Variants in RRBP1 observed in about 807,000 individuals in gnomAD.
RRBP1 encodes ribosome-binding protein 1.
In RRBP1, 94 loss-of-function variants were observed where a neutral mutation model predicts 165.2. That is an observed-to-expected ratio of 0.57 (90% CI 0.48 to 0.68). The LOEUF (loss-of-function observed/expected upper bound fraction) is 0.68. Ranked by LOEUF, RRBP1 falls within the 30% of genes least tolerant of loss-of-function variation. RRBP1 has a pLI of 0.00. For synonymous variants in RRBP1, 680 were observed against 714.5 expected, an observed-to-expected ratio of 0.95 and a Z score of 0.77; for missense variants, 1,676 against 1,763.0, an observed-to-expected ratio of 0.95 and a Z score of 0.88.
intron 2 of RRBP1, among the ~76,000 whole-genome samples, chr20:17,666,719 T>C (rs2036878217): frequency 6.6e-6 from 1 of 152,268 alleles, no homozygotes; most frequent in African/African-American, 2.4e-5. Context: ...TAAGCTGCCT[T>C]GTAGCATTCG....
At position 17,636,833 on chromosome 20, in the gene RRBP1, G is replaced by C. The variant is rs368272122; in HGVS notation, c.2185-104C>G. On this transcript the variant is annotated intron_variant, in intron 5 of 24. Coordinates refer to ENST00000377813, the MANE Select transcript of RRBP1 (RefSeq NM_001365613.2). ...CCGAGCTGGGAGGCTGGAGAGCAGAGCACAGACCCCTCCTGCTGGCCGGGT... is the reference window on the plus strand; with the variant it reads ...CCGAGCTGGGAGGCTGGAGAGCAGACCACAGACCCCTCCTGCTGGCCGGGT... 8 of 1,399,122 alleles carry C rather than the reference G, an allele frequency of 5.7e-6. No individual in the cohort carries two copies. The African/African-American group carries it at 8.5e-5, about 15-fold the overall frequency. The allele number at this position is 1,399,122 out of a possible 1,614,324, so 86.7% of individuals were successfully genotyped here.
At chr20:17,617,963 GA>G (rs1212434582) in intron 20 of RRBP1, among the ~76,000 whole-genome samples, 2 of 152,256 alleles carry the variant, frequency 1.3e-5, no homozygotes, top group African/African-American at 4.8e-5. Context: ...GCCTGCCAAG[GA>G]GCTGGGACTT....
Position 17,658,750 on chromosome 20 carries a change from T to A in RRBP1, c.1758A>T (p.Gln586His). The A allele has an allele frequency of 1.9e-6, 3 of 1,612,802 alleles. No individual in the cohort carries two copies. The South Asian group carries it at 3.3e-5, about 18-fold the overall frequency. The change falls in exon 3 of 25, where the codon CAA becomes CAT. Residue 586 changes from glutamine to histidine, a missense_variant. Gln to His is a conservative substitution (Grantham distance 24). This residue lies in a region of RRBP1 where 1,184 missense variants were observed against 1,167.1 expected (regional missense o/e 1.01). Transcript: ENST00000377813. ...TGGCAGCTGCGTCTGCCTTTTTGCC[T>A]TGGTTGGGGGACCCTTCTGCCTTTT... The part of the protein sequence containing the change: ...EGKKAEGSPN[Q>H]GKKADAAANQ...
At chr20:17,634,118 T>A (rs2122324035) in intron 7 of RRBP1, among the ~76,000 whole-genome samples, 1 of 152,292 alleles carries the variant, frequency 6.6e-6, no homozygotes, top group Non-Finnish European at 1.5e-5. Context: ...TCTCAGGAGC[T>A]GGGAGGAATG....
rs2036728650 is a variant in RRBP1, at chr20:17,659,958, G to C, written c.550C>G (p.Pro184Ala). The C allele has an allele frequency of 1.9e-6, 3 of 1,601,356 alleles. No individual in the cohort carries two copies. The highest frequency in any genetic ancestry group is 2.6e-6 in the Non-Finnish European group (3 of 1,173,448). The change falls in exon 3 of 25, where the codon CCA (proline) becomes GCA (alanine). Residue 184 changes from proline (P) to alanine (A), a missense_variant. By Grantham distance (27) the Pro-to-Ala change is conservative. Around this residue, in one of 5 missense-constraint regions of RRBP1, gnomAD observed 392 missense variants for 382.5 expected, o/e 1.02. Transcript: ENST00000377813. ...PKEVPMVVVP[P>A]VGAKGNTPAT... ...GGTGTGTTGCCCTTGGCACCCACTGGGGGCACCACCACCATCGGCACCTCC... is the reference window on the plus strand; with the variant it reads ...GGTGTGTTGCCCTTGGCACCCACTGCGGGCACCACCACCATCGGCACCTCC...
chr20:17,625,527 C>T lies in RRBP1; in HGVS notation c.3039G>A (p.Gln1013=). The T allele has an allele frequency of 6.2e-7, 1 of 1,613,856 alleles. No individual in the cohort carries two copies. The highest frequency in any genetic ancestry group is 8.5e-7 in the Non-Finnish European group (1 of 1,179,904). Residue 1013 remains glutamine (Q), a synonymous_variant, in exon 12 of 25, where the codon CAG becomes CAA. Transcript: ENST00000377813. ...AIELREAVEQ[Q]KVKNNDLREK... ...CCGCACTCACATTGTTCTTCACTTTCTGCTGCTCGACGGCCTCCCTGAGCT... is the reference window on the plus strand; with the variant it reads ...CCGCACTCACATTGTTCTTCACTTTTTGCTGCTCGACGGCCTCCCTGAGCT...
At chr20:17,675,097 G>A (rs2037052476) in intron 2 of RRBP1, among the ~76,000 whole-genome samples, 1 of 152,246 alleles carries the variant, frequency 6.6e-6, no homozygotes, top group Non-Finnish European at 1.5e-5. Flanking sequence ...GCTCCCAGGA[G>A]AGAGCCAACA....
At position 17,614,185 on chromosome 20, in the gene RRBP1, G is replaced by T. The variant is rs774890959; in HGVS notation, c.4230C>A (p.Val1410=). The change falls in exon 25 of 25, where the codon GTC becomes GTA. Residue 1410 remains valine (V), a synonymous_variant. Transcript: ENST00000377813. ...DGSSSKEGTS[V] is the part of the protein sequence containing the mutation. ...CTTCTTTTTCCAAAGAGGAAACTCA[G>T]ACAGAGGTGCCCTCCTTTGAGCTGC... 2 of 1,613,832 alleles carry T rather than the reference G, an allele frequency of 1.2e-6. No individual in the cohort carries two copies. The highest frequency in any genetic ancestry group is 2.7e-5 in the African/African-American group (2 of 74,956).
chr20:17,631,703 G>A (rs2036153655), intron 8 of RRBP1, among the ~76,000 whole-genome samples: 1 of 152,256 alleles, frequency 6.6e-6, no homozygotes. Context: ...GGCCCCAAGA[G>A]GCCGTCCGGG....
At position 17,658,779 on chromosome 20, in the gene RRBP1, C is replaced by A; in HGVS notation, c.1729G>T (p.Gly577Cys). 6.2e-7 allele frequency: 1 copy of A among 1,613,928 alleles called. No individual in the cohort carries two copies. Among genetic ancestry groups the A allele is most frequent in the African/African-American group, 1.3e-5 (1 of 75,030 alleles). The change falls in exon 3 of 25, where the codon GGC becomes TGC. Residue 577 changes from glycine (G) to cysteine (C), a missense_variant. Gly to Cys is a radical substitution (Grantham distance 159, BLOSUM62 -3). Around this residue, in one of 5 missense-constraint regions of RRBP1, gnomAD observed 1,184 missense variants for 1,167.1 expected, o/e 1.01. Coordinates refer to ENST00000377813, the MANE Select transcript of RRBP1 (RefSeq NM_001365613.2). Reference sequence around the variant, plus strand: ...TTGGGGGACCCTTCTGCCTTTTTGCCTTCACTGGGGGACCCTTCTGCTTTT... The same window carrying A: ...TTGGGGGACCCTTCTGCCTTTTTGCATTCACTGGGGGACCCTTCTGCTTTT... ...GKKAEGSPSE[G>C]KKAEGSPNQG...
In RRBP1 at chr20:17,620,284, G is replaced by A. The variant is rs749087369; in HGVS notation, c.3579+15C>T. ...CCCGGGACAAGAGAAAGAGTTCTCT[G>A]AGCAGAGCACATACCTGGTCCGAAC... On this transcript the variant is annotated intron_variant, in intron 18 of 24. Coordinates refer to ENST00000377813, the MANE Select transcript of RRBP1 (RefSeq NM_001365613.2). 2.4e-5 allele frequency: 39 copies of A among 1,599,048 alleles called. No individual in the cohort carries two copies. Among genetic ancestry groups the A allele is most frequent in the Non-Finnish European group, 3.3e-5 (38 of 1,166,528 alleles).
chr20:17,669,571 A>G (rs772172788), intron 2 of RRBP1, among the ~76,000 whole-genome samples: 6 of 152,262 alleles, frequency 3.9e-5, no homozygotes, highest in African/African-American at 7.2e-5. Context: ...ACTCAATATC[A>G]TATCAGCATC....
intron 9 of RRBP1, among the ~76,000 whole-genome samples, chr20:17,628,252 C>A (rs558926410): frequency 2.0e-5 from 3 of 152,296 alleles, no homozygotes; most frequent in African/African-American, 7.2e-5. Context: ...TCCCCAACCC[C>A]AGGCTCTGCC....
chr20:17,653,213 C>T (rs937704098), intron 3 of RRBP1, among the ~76,000 whole-genome samples: 5 of 152,182 alleles, frequency 3.3e-5, no homozygotes, highest in African/African-American at 4.8e-5. Context: ...CCCCTGTGTT[C>T]GTGTTATTTG....
rs1221160294 is a variant in RRBP1 at position 17,656,541 on chromosome 20, T to C, written c.1912+2055A>G. Among the ~76,000 whole-genome samples the C allele has an allele frequency of 1.3e-5, 2 of 152,218 alleles. 1 individual carries two copies. The highest frequency in any genetic ancestry group is 4.8e-5 in the African/African-American group (2 of 41,462). On this transcript the variant is annotated intron_variant, in intron 3 of 24. Coordinates refer to ENST00000377813, the MANE Select transcript of RRBP1 (RefSeq NM_001365613.2). ...CTGCCCTAGATCATCTGCTGAACGT[T>C]TCCTTCCCTACTGCAATATGATGCT...
chr20:17,666,147 A>G (rs2036863023), intron 2 of RRBP1, among the ~76,000 whole-genome samples: 1 of 152,206 alleles, frequency 6.6e-6, no homozygotes, highest in Non-Finnish European at 1.5e-5. Flanking sequence ...GGAAGGATTG[A>G]TATTTCTAAC....
At chr20:17,668,819 CT>C (rs1487912729) in intron 2 of RRBP1, among the ~76,000 whole-genome samples, 1 of 152,212 alleles carries the variant, frequency 6.6e-6, no homozygotes, top group Non-Finnish European at 1.5e-5. Context: ...ACCCCTACCC[CT>C]GTCCCAGGGT....
At chr20:17,676,044 C>CA (rs547894873) in intron 2 of RRBP1, among the ~76,000 whole-genome samples, 2 of 152,104 alleles carry the variant, frequency 1.3e-5, no homozygotes, top group South Asian at 2.1e-4. Flanking sequence ...ACCATTTCTA[C>CA]AAAAAAACCT....
Position 17,659,495 on chromosome 20 carries a change from T to G in RRBP1, c.1013A>C (p.Gln338Pro). The G allele has an allele frequency of 1.3e-6, 2 of 1,545,840 alleles. No individual in the cohort carries two copies. The highest frequency in any genetic ancestry group is 8.7e-7 in the Non-Finnish European group (1 of 1,145,510). Residue 338 changes from glutamine (Q) to proline (P), a missense_variant, in exon 3 of 25, where the codon CAG becomes CCG. Around this residue, in one of 5 missense-constraint regions of RRBP1, gnomAD observed 78 missense variants for 115.6 expected, o/e 0.67. Transcript: ENST00000377813. ...CTGGGCCCCCTCGGCCTTCTTGCCC[T>G]GATTCTGGGCCCCCTCGGCCTTCTT... Reference protein sequence around the residue: ...QGKKAEGAQNQGKKAEGAQNQ... With the variant: ...QGKKAEGAQNPGKKAEGAQNQ...
Sources: allele counts gnomAD v4.1 joint callset (sites outside exome capture counted in the v4.1 genomes callset), GRCh38; gene constraint gnomAD v4.1.1; regional missense constraint gnomAD v4.1.1; transcripts MANE v1.5; gene names NCBI Gene and HGNC (gene_info 2026-07-23, HGNC 2026-07-21).